Variants in MTMR12 observed in about 807,000 individuals in gnomAD.
MTMR12 encodes myotubularin related protein 12.
In MTMR12, 33 loss-of-function variants were observed where a neutral mutation model predicts 96.7. The observed-to-expected ratio is 0.34, with a 90% CI of 0.26 to 0.46. MTMR12 has a LOEUF of 0.46. MTMR12 is among the 20% of genes least tolerant of loss of function. The probability of loss-of-function intolerance (pLI) is 1.00; values close to 1 mark genes in which losing one functional copy is unlikely to be tolerated. For synonymous variants in MTMR12, 298 were observed against 327.2 expected (o/e 0.91, Z 0.96); for missense variants, 721 against 896.1 (o/e 0.80, Z 2.49).
At chr5:32,298,952 C>CAA (rs766708610) in intron 1 of MTMR12, among the ~76,000 whole-genome samples, 32 of 54,580 alleles carry the variant, frequency 5.9e-4, no homozygotes, top group Middle Eastern at 0.011. Context: ...GACTCCATCT[C>CAA]AAAAAAAAAA....
chr5:32,238,989 G>A lies in MTMR12; in HGVS notation c.1344+12C>T. ...CCCTATGACGGAAACAGTCTGCAGT[G>A]AGGGAACTCACCTCCTCTTTGTCGT... On this transcript the variant is annotated intron_variant, in intron 13 of 15. Transcript: ENST00000382142. 1 of 1,576,278 alleles carries A rather than the reference G, an allele frequency of 6.3e-7. No individual in the cohort carries two copies. Among genetic ancestry groups the A allele is most frequent in the Non-Finnish European group, 8.6e-7 (1 of 1,156,556 alleles).
intron 8 of MTMR12, among the ~76,000 whole-genome samples, chr5:32,254,989 C>T (rs545721674): frequency 3.9e-5 from 6 of 152,318 alleles, no homozygotes; most frequent in African/African-American, 1.2e-4. Flanking sequence ...CTAGACCAGG[C>T]GGAGGGCCTC....
intron 6 of MTMR12, among the ~76,000 whole-genome samples, chr5:32,263,753 T>C (rs952421485): frequency 3.3e-5 from 5 of 152,080 alleles, no homozygotes; most frequent in South Asian, 2.1e-4. Flanking sequence ...TCTTTTTACA[T>C]TGTAGGAACT....
chr5:32,285,601 G>A (rs1750509318), intron 1 of MTMR12, among the ~76,000 whole-genome samples: 1 of 152,088 alleles, frequency 6.6e-6, no homozygotes, highest in Non-Finnish European at 1.5e-5. Flanking sequence ...CAGTTCAAAA[G>A]AAACTGGCTA....
At chr5:32,254,464 T>C (rs1015836291) in intron 8 of MTMR12, among the ~76,000 whole-genome samples, 1 of 152,210 alleles carries the variant, frequency 6.6e-6, no homozygotes, top group Admixed American at 6.5e-5. Flanking sequence ...CTAAAAATTA[T>C]GAATTTTATT....
At chr5:32,254,266 A>G (rs1380155234) in intron 8 of MTMR12, among the ~76,000 whole-genome samples, 1 of 152,192 alleles carries the variant, frequency 6.6e-6, no homozygotes, top group Admixed American at 6.5e-5. Flanking sequence ...TATTTTCATA[A>G]TAACGCTAAG....
At chr5:32,258,895 T>C (rs1031774014) in intron 7 of MTMR12, among the ~76,000 whole-genome samples, 3 of 129,466 alleles carry the variant, frequency 2.3e-5, no homozygotes, top group Non-Finnish European at 3.2e-5. Context: ...TTATAGATGG[T>C]CTTTCACAAA....
Position 32,239,090 on chromosome 5 carries a change from A to C in MTMR12, c.1255T>G (p.Phe419Val). The C allele has an allele frequency of 6.2e-7, 1 of 1,610,274 alleles. No individual in the cohort carries two copies. The highest frequency in any genetic ancestry group is 8.5e-7 in the Non-Finnish European group (1 of 1,178,270). The change falls in exon 13 of 16, where the codon TTC becomes GTC. Residue 419 changes from phenylalanine to valine, a missense_variant. Physicochemically the swap from Phe to Val is conservative, Grantham distance 50. Transcript: ENST00000382142. ...MDPHCRTRIGFQSLIQKEWVM... is the reference protein window; with the variant it reads ...MDPHCRTRIGVQSLIQKEWVM... ...CACTCCTTTTGGATGAGGCTCTGGA[A>C]ACCAATTCTGGTTCTGCAGTGGGGG...
At chr5:32,260,061 T>C (rs987075354) in intron 7 of MTMR12, among the ~76,000 whole-genome samples, 1 of 142,496 alleles carries the variant, frequency 7.0e-6, no homozygotes. Flanking sequence ...AAAAAAGCGG[T>C]ACCTGGGGTA....
chr5:32,254,858 T>A (rs1292681784), intron 8 of MTMR12, among the ~76,000 whole-genome samples: 8 of 151,764 alleles, frequency 5.3e-5, no homozygotes, highest in Admixed American at 2.6e-4. Context: ...AAAACAAAAA[T>A]AAAAACAAAA....
intron 15 of MTMR12, chr5:32,232,817 G>T: frequency 5.8e-6 from 2 of 342,238 alleles, no homozygotes; most frequent in Non-Finnish European, 8.3e-6. Flanking sequence ...GTCTCTGCTG[G>T]CCGTGGCTCA....
chr5:32,229,762 T>C lies in MTMR12; in HGVS notation c.*16A>G, dbSNP rs747340996. ...AATCTCCCACATTCCTCTTTCACAA[T>C]CACTCAACAAACAGGTCACACATCC... On this transcript the variant is annotated 3_prime_UTR_variant, in exon 16 of 16. Transcript: ENST00000382142. 1.1e-5 allele frequency: 17 copies of C among 1,496,828 alleles called. No individual in the cohort carries two copies. In the South Asian group the frequency reaches 2.2e-4, roughly 20 times the overall value. The allele number at this position is 1,496,828 out of a possible 1,614,324, so 92.7% of individuals were successfully genotyped here. A position where few individuals can be genotyped will look rare whatever the true frequency, so the allele number is the denominator to read the frequency against.
At chr5:32,251,264 C>T (rs901081890) in intron 8 of MTMR12, among the ~76,000 whole-genome samples, 17 of 151,980 alleles carry the variant, frequency 1.1e-4, no homozygotes, top group African/African-American at 4.1e-4. Flanking sequence ...ACCGTTTTAC[C>T]TCGTGATCCG....
intron 1 of MTMR12, among the ~76,000 whole-genome samples, chr5:32,284,003 C>T (rs1750415442): frequency 6.6e-6 from 1 of 152,074 alleles, no homozygotes; most frequent in African/African-American, 2.4e-5. Flanking sequence ...TGCTTCCTTT[C>T]AAGAGTATAT....
At position 32,230,219 on chromosome 5, in the gene MTMR12, A is replaced by G. The variant is rs1241915244; in HGVS notation, c.1803T>C (p.Ser601=). The change falls in exon 16 of 16, where the codon TCT becomes TCC. Residue 601 remains serine, a synonymous_variant. Coordinates refer to ENST00000382142, the MANE Select transcript of MTMR12 (RefSeq NM_001040446.3). ...LGKRISKLIN[S]SDELQDNFRE... is the part of the protein sequence containing the mutation. ...GAAAGTTGTCTTGGAGCTCATCAGA[A>G]GAATTAATAAGTTTGCTAATTCTCT... 3 of 1,614,268 alleles carry G rather than the reference A, an allele frequency of 1.9e-6. No homozygotes were observed. The highest frequency in any genetic ancestry group is 2.5e-6 in the Non-Finnish European group (3 of 1,180,046).
At chr5:32,243,628 C>A in intron 10 of MTMR12, 29 bp from the exon 11 acceptor site, 1 of 1,439,596 alleles carries the variant, frequency 6.9e-7, no homozygotes, top group Non-Finnish European at 9.8e-7. Context: ...GTAAAGACGT[C>A]AGGTCATTGT....
chr5:32,308,598 C>G (rs762773609), intron 1 of MTMR12, among the ~76,000 whole-genome samples: 15 of 151,922 alleles, frequency 9.9e-5, no homozygotes, highest in Non-Finnish European at 1.8e-4. Context: ...CCCCTTCCTA[C>G]CTTTATCTTC....
At chr5:32,311,274 TACC>T (rs796798938) in intron 1 of MTMR12, among the ~76,000 whole-genome samples, 18 of 152,348 alleles carry the variant, frequency 1.2e-4, no homozygotes, top group African/African-American at 4.3e-4. Flanking sequence ...TTAAATGTGA[TACC>T]ACAAGGGAAG....
At chr5:32,305,264 T>C (rs1751310953) in intron 1 of MTMR12, among the ~76,000 whole-genome samples, 1 of 152,074 alleles carries the variant, frequency 6.6e-6, no homozygotes, top group Non-Finnish European at 1.5e-5. Flanking sequence ...AATTTTTGTA[T>C]TTTTAGTAGA....
Sources: gnomAD v4.1 joint callset for allele counts (sites outside exome capture counted in the v4.1 genomes callset) on GRCh38, gnomAD v4.1.1 for gene constraint, MANE v1.5 for transcripts, NCBI Gene and HGNC (gene_info 2026-07-23, HGNC 2026-07-21) for gene names.